The following RFX1 variants were observed in gnomAD, a reference collection of about 807,000 sequenced individuals.
The protein encoded by RFX1 is regulatory factor X1, also known as MHC class II regulatory factor RFX1.
Under a neutral mutation model 119.6 loss-of-function variants are expected in RFX1, and 42 were observed. That is an observed-to-expected ratio of 0.35 (90% CI 0.27 to 0.45). The LOEUF is 0.45. Ranked by LOEUF, RFX1 falls within the 20% of genes least tolerant of loss-of-function variation. The probability of loss-of-function intolerance (pLI) is 1.00; values close to 1 mark genes in which losing one functional copy is unlikely to be tolerated. For synonymous variants in RFX1, 628 were observed against 618.5 expected (o/e 1.02, Z -0.23); for missense variants, 1,118 against 1,368.1 (o/e 0.82, Z 2.88).
rs1973709835 is a variant in RFX1 at position 13,962,308 on chromosome 19, C to A, written c.*387G>T. 8.6e-6 allele frequency: 2 copies of A among 233,214 alleles called. No homozygotes were observed. The highest frequency in any genetic ancestry group is 1.3e-4 in the South Asian group (2 of 15,484). The allele number at this position is 233,214 out of a possible 1,614,324, so 14.4% of individuals were successfully genotyped here. A position where few individuals can be genotyped will look rare whatever the true frequency, so the allele number is the denominator to read the frequency against. On this transcript the variant is annotated 3_prime_UTR_variant, in exon 21 of 21. Transcript: ENST00000254325. ...TGGGCCCAGGACAGGCTGTGCAAAG[C>A]CAGCGAGCTGAATAAGTTAACAGTT... is the stretch of plus-strand genomic sequence containing the variant.
At chr19:13,996,916 G>A (rs1288565167) in intron 1 of RFX1, among the ~76,000 whole-genome samples, 1 of 152,042 alleles carries the variant, frequency 6.6e-6, no homozygotes, top group African/African-American at 2.4e-5. Flanking sequence ...TGGAGACAGG[G>A]TTTCACCATG....
At chr19:13,975,740 G>A (rs1568466121) in intron 8 of RFX1, among the ~76,000 whole-genome samples, 1 of 152,248 alleles carries the variant, frequency 6.6e-6, no homozygotes, top group East Asian at 1.9e-4. Flanking sequence ...CTGAATAAAT[G>A]AATGTGTGCA....
At chr19:13,996,616 G>A (rs895316632) in intron 1 of RFX1, among the ~76,000 whole-genome samples, 3 of 152,030 alleles carry the variant, frequency 2.0e-5, no homozygotes, top group African/African-American at 4.8e-5. Context: ...TGAAAGCCTC[G>A]AGCAACTGGT....
At position 13,980,743 on chromosome 19, in the gene RFX1, G is replaced by GGGGTGGGCTCGCATCCTCTCTA; in HGVS notation, c.622-55_622-54insTAGAGAGGATGCGAGCCCACCC. ...GCTGGGGTGGGCTTGCATCCTCTCTGAGGTGGGCTCACACACACACCCTTC... is the reference window on the plus strand; with the variant it reads ...GCTGGGGTGGGCTTGCATCCTCTCTGGGGTGGGCTCGCATCCTCTCTAAGGTGGGCTCACACACACACCCTTC... On this transcript the variant is annotated intron_variant, in intron 5 of 20. Coordinates refer to ENST00000254325, the MANE Select transcript of RFX1 (RefSeq NM_002918.5). The surrounding 1 kb of genome is among the most constrained non-coding windows in gnomAD (Gnocchi z 5.1). The GGGGTGGGCTCGCATCCTCTCTA allele has an allele frequency of 7.7e-7, 1 of 1,306,236 alleles. No homozygotes were observed. Among genetic ancestry groups the GGGGTGGGCTCGCATCCTCTCTA allele is most frequent in the Non-Finnish European group, 1.1e-6 (1 of 930,502 alleles). The allele number at this position is 1,306,236 out of a possible 1,614,324, so 80.9% of individuals were successfully genotyped here.
chr19:14,005,834 C>T lies in RFX1; in HGVS notation c.-53+269G>A, dbSNP rs560520779. Among the ~76,000 whole-genome samples the T allele has an allele frequency of 3.6e-4, 54 of 151,094 alleles. No homozygotes were observed. The East Asian group carries it at 9.0e-3, about 25-fold the overall frequency. ...CAGGCCCGCCCCTTCGCGCTCCCGA[C>T]ATATAAAAGCCCCCCGCCCCGGCCT... On this transcript the variant is annotated intron_variant, in intron 1 of 20. Transcript: ENST00000254325.
Position 13,970,661 on chromosome 19 carries a change from CAAAAAAAAAAAAAAAAAAAA to C in RFX1, c.1315-506_1315-487del, listed in dbSNP as rs1167910642. 0.019 allele frequency among the ~76,000 whole-genome samples: 490 copies of C among 25,840 alleles called. 16 individuals carry two copies. The South Asian group carries it at 0.26, about 13-fold the overall frequency. 17.0% of individuals were successfully genotyped at this position (25,840 alleles called of 152,430 possible). ...GCCTGGATACAGTGAGACCTTGTCT[CAAAAAAAAAAAAAAAAAAAA>C]AAAAAAAAAAAAAAAATTAGCAGGA... is the stretch of plus-strand genomic sequence containing the variant. On this transcript the variant is annotated intron_variant, in intron 9 of 20. Transcript: ENST00000254325.
At position 13,965,619 on chromosome 19, in the gene RFX1, C is replaced by T. The variant is rs375309607; in HGVS notation, c.2113+7G>A. Reference sequence around the variant, plus strand: ...GGCAGGGGATGCCGAGCAGGCCGAGCACTCACTGGGGATGGGCCGCAGCAC... The same window carrying T: ...GGCAGGGGATGCCGAGCAGGCCGAGTACTCACTGGGGATGGGCCGCAGCAC... On this transcript the variant is annotated splice_region_variant and intron_variant, in intron 15 of 20. Coordinates refer to ENST00000254325, the MANE Select transcript of RFX1 (RefSeq NM_002918.5). This position sits in a 1 kb window ranked among gnomAD's most constrained non-coding sequence, Gnocchi z 4.7. 2.5e-5 allele frequency: 41 copies of T among 1,613,006 alleles called. No individual in the cohort carries two copies. In the African/African-American group the frequency reaches 5.3e-4, roughly 21 times the overall value.
At chr19:14,005,405 T>G (rs1599529945) in intron 1 of RFX1, among the ~76,000 whole-genome samples, 1 of 152,210 alleles carries the variant, frequency 6.6e-6, no homozygotes, top group East Asian at 1.9e-4. Flanking sequence ...AAATCAGGAC[T>G]AGCTGACAGT....
rs1239503286 is a variant in RFX1 at position 13,970,762 on chromosome 19, G to T, written c.1315-587C>A. On this transcript the variant is annotated intron_variant, in intron 9 of 20. Transcript: ENST00000254325. ...TTTGGGAGGCCAAGGCAGGTGGGTG[G>T]ATCATGAGATCAGGAGACTGAGACC... Among the ~76,000 whole-genome samples, 6 of 150,638 alleles carry T rather than the reference G, an allele frequency of 4.0e-5. No individual in the cohort carries two copies. In the East Asian group the frequency reaches 1.2e-3, roughly 29 times the overall value.
chr19:13,983,902 G>A (rs1464465289), intron 2 of RFX1, among the ~76,000 whole-genome samples: 3 of 152,202 alleles, frequency 2.0e-5, no homozygotes, highest in African/African-American at 7.2e-5. Flanking sequence ...CCAGAAGGCT[G>A]GACCCTTCCC....
At chr19:13,984,453 G>A (rs1974533903) in intron 2 of RFX1, among the ~76,000 whole-genome samples, 2 of 152,206 alleles carry the variant, frequency 1.3e-5, no homozygotes, top group South Asian at 2.1e-4. Context: ...GGGGTGAGGA[G>A]GGAGGTTGGT....
At chr19:13,974,477 A>G (rs1433116395) in intron 8 of RFX1, among the ~76,000 whole-genome samples, 2 of 152,196 alleles carry the variant, frequency 1.3e-5, no homozygotes, top group Non-Finnish European at 2.9e-5. Context: ...ATGGAATCCT[A>G]TGCAGGGGTG....
In RFX1 at chr19:14,002,441, C is replaced by T. The variant is rs942008457; in HGVS notation, c.-53+3662G>A. 5.1e-4 allele frequency among the ~76,000 whole-genome samples: 78 copies of T among 151,514 alleles called. 1 individual carries two copies. The highest frequency in any genetic ancestry group is 4.5e-3 in the Admixed American group (69 of 15,172). On this transcript the variant is annotated intron_variant, in intron 1 of 20. Coordinates refer to ENST00000254325, the MANE Select transcript of RFX1 (RefSeq NM_002918.5). ...TGGAGGTTGCGGTGAGCTGAGATCA[C>T]GCCACTGCACTCCATCCTGGGCGAC...
chr19:13,962,385 G>A lies in RFX1; in HGVS notation c.*310C>T, dbSNP rs979373025. 6.9e-6 allele frequency: 3 copies of A among 437,812 alleles called. No individual in the cohort carries two copies. Among genetic ancestry groups the A allele is most frequent in the African/African-American group, 2.1e-5 (1 of 47,046 alleles). The allele number at this position is 437,812 out of a possible 1,614,324, so 27.1% of individuals were successfully genotyped here. On this transcript the variant is annotated 3_prime_UTR_variant, in exon 21 of 21. Transcript: ENST00000254325. ...GCCCCCTGGGGTGGTGGGAGGACGG[G>A]GCTGGGGAGAAGACGCTGGGGCCTG...
In RFX1 at chr19:13,969,002, GAGACGCC is replaced by G; in HGVS notation, c.1497-115_1497-109del. 7.9e-7 allele frequency: 1 copy of G among 1,268,584 alleles called. No individual in the cohort carries two copies. The highest frequency in any genetic ancestry group is 1.4e-5 in the South Asian group (1 of 69,850). 78.6% of individuals were successfully genotyped at this position (1,268,584 alleles called of 1,614,324 possible). A position where few individuals can be genotyped will look rare whatever the true frequency, so the allele number is the denominator to read the frequency against. On this transcript the variant is annotated intron_variant, in intron 10 of 20. Transcript: ENST00000254325. This position sits in a 1 kb window ranked among gnomAD's most constrained non-coding sequence, Gnocchi z 4.5. The stretch of plus-strand genomic sequence containing the variant: ...CCTCTCTGTTAGGAGAATGGATAGA[GAGACGCC>G]TGCCCTGCAGAGACGGGGGTGCTGC...
At chr19:13,997,324 C>T (rs8107570) in intron 1 of RFX1, among the ~76,000 whole-genome samples, 4,567 of 152,282 alleles carry the variant, frequency 0.03, 251 homozygotes, top group African/African-American at 0.1. Context: ...GGATGCACCA[C>T]GATTTGAATT....
At position 13,978,097 on chromosome 19, in the gene RFX1, G is replaced by C; in HGVS notation, c.835-11C>G. ...CTGGAGCTGCTGCACCTGGGGCAGA[G>C]GAAGGGCACGTGGAGGGTCAGGGGT... On this transcript the variant is annotated splice_polypyrimidine_tract_variant and intron_variant, in intron 7 of 20. Transcript: ENST00000254325. 6.2e-7 allele frequency: 1 copy of C among 1,607,646 alleles called. No individual in the cohort carries two copies. The highest frequency in any genetic ancestry group is 8.5e-7 in the Non-Finnish European group (1 of 1,175,316).
chr19:13,985,334 G>A lies in RFX1; in HGVS notation c.320-1739C>T, dbSNP rs573345052. 6.6e-6 allele frequency among the ~76,000 whole-genome samples: 1 copy of A among 152,210 alleles called. No individual in the cohort carries two copies. The highest frequency in any genetic ancestry group is 2.1e-4 in the South Asian group (1 of 4,824). The stretch of plus-strand genomic sequence containing the variant: ...TAGGACTGCAGGCACCCGCCACCAC[G>A]CCCAGCTAATTTTTGTGGTTTTAGT... On this transcript the variant is annotated intron_variant, in intron 2 of 20. Transcript: ENST00000254325. The surrounding 1 kb of genome is among the most constrained non-coding windows in gnomAD (Gnocchi z 4.3).
At position 13,966,864 on chromosome 19, in the gene RFX1, A is replaced by G; in HGVS notation, c.1733-113T>C. On this transcript the variant is annotated intron_variant, in intron 12 of 20. Transcript: ENST00000254325. This position sits in a 1 kb window ranked among gnomAD's most constrained non-coding sequence, Gnocchi z 6.3. ...CTGGGGTCCCCCATGTGCCGGTGAGACAACGCTAGGTGGGGTGAGCGCCTG... is the reference window on the plus strand; with the variant it reads ...CTGGGGTCCCCCATGTGCCGGTGAGGCAACGCTAGGTGGGGTGAGCGCCTG... The G allele has an allele frequency of 2.8e-6, 2 of 702,728 alleles. No homozygotes were observed. The highest frequency in any genetic ancestry group is 2.6e-5 in the Admixed American group (1 of 37,836). The allele number at this position is 702,728 out of a possible 1,614,324, so 43.5% of individuals were successfully genotyped here. A position where few individuals can be genotyped will look rare whatever the true frequency, so the allele number is the denominator to read the frequency against.
Sources: gnomAD v4.1 joint callset for allele counts (sites outside exome capture counted in the v4.1 genomes callset) on GRCh38, gnomAD v4.1.1 for gene constraint, Gnocchi (gnomAD v3.1) non-coding constraint, MANE v1.5 for transcripts, NCBI Gene and HGNC (gene_info 2026-07-23, HGNC 2026-07-21) for gene names.